FUT8: variants seen among roughly 807,000 people sequenced by gnomAD.
FUT8 encodes the protein alpha-(1,6)-fucosyltransferase.
In FUT8, 29 loss-of-function variants were observed where a neutral mutation model predicts 71.3. The ratio of observed to expected loss-of-function variants is 0.41; its 90% CI spans 0.30 to 0.55. FUT8 has a LOEUF of 0.55. Ranked by LOEUF, FUT8 falls within the 20% of genes least tolerant of loss-of-function variation. The probability of loss-of-function intolerance (pLI) is 0.34; values close to 1 mark genes in which losing one functional copy is unlikely to be tolerated. For synonymous variants in FUT8, 254 were observed against 239.3 expected (o/e 1.06, Z -0.57); for missense variants, 544 against 702.1 (o/e 0.77, Z 2.55).
chr14:65,460,300 T>C (rs2065952246), intron 2 of FUT8, among the ~76,000 whole-genome samples: 1 of 152,212 alleles, frequency 6.6e-6, no homozygotes, highest in Admixed American at 6.5e-5. Flanking sequence ...CCTAGGAAGA[T>C]AGAAATAGTG....
At chr14:65,691,076 A>G (rs896812948) in intron 7 of FUT8, among the ~76,000 whole-genome samples, 12 of 150,980 alleles carry the variant, frequency 7.9e-5, no homozygotes, top group Non-Finnish European at 1.2e-4. Flanking sequence ...TGATATAGTT[A>G]CTTATTAGTT....
At chr14:65,663,737 G>C (rs1892080206) in intron 6 of FUT8, among the ~76,000 whole-genome samples, 1 of 151,922 alleles carries the variant, frequency 6.6e-6, no homozygotes, top group Admixed American at 6.6e-5. Flanking sequence ...TCTATCTTCA[G>C]CTTGATTTGA....
At chr14:65,717,055 T>A (rs1451733311) in intron 7 of FUT8, among the ~76,000 whole-genome samples, 1 of 136,194 alleles carries the variant, frequency 7.3e-6, no homozygotes, top group Non-Finnish European at 1.5e-5. Flanking sequence ...GCAGAGGTGC[T>A]CCCCACTTCC....
chr14:65,467,954 AT>A lies in FUT8; in HGVS notation c.-228+12240del. 3 of 726,022 alleles carry A rather than the reference AT, an allele frequency of 4.1e-6. No homozygotes were observed. The highest frequency in any genetic ancestry group is 1.4e-5 in the South Asian group (1 of 71,794). 45.0% of individuals were successfully genotyped at this position (726,022 alleles called of 1,614,324 possible). A position where few individuals can be genotyped will look rare whatever the true frequency, so the allele number is the denominator to read the frequency against. The stretch of plus-strand genomic sequence containing the variant: ...CTTTGGCTTCTTTCTTTTTCCGATC[AT>A]TTTCCTTTACGTGTTTCAGGAAGCT... On this transcript the variant is annotated intron_variant, in intron 2 of 10. Coordinates refer to ENST00000673929, the MANE Select transcript of FUT8 (RefSeq NM_001371533.1). This position sits in a 1 kb window ranked among gnomAD's most constrained non-coding sequence, Gnocchi z 4.1.
intron 1 of FUT8, among the ~76,000 whole-genome samples, chr14:65,449,036 A>C (rs1207658600): frequency 6.6e-6 from 1 of 152,232 alleles, no homozygotes; most frequent in African/African-American, 2.4e-5. Context: ...TTGATTTTGT[A>C]ATGTCAAACA....
At chr14:65,361,507 G>T in the FUT8 span, among the ~76,000 whole-genome samples, 7 of 152,018 alleles carry the variant, frequency 4.6e-5, no homozygotes, top group African/African-American at 1.7e-4. Context: ...ATAGACTATG[G>T]CCGGGTGCGG....
chr14:65,591,955 A>G (rs572899151), intron 3 of FUT8, among the ~76,000 whole-genome samples: 18 of 152,006 alleles, frequency 1.2e-4, no homozygotes, highest in African/African-American at 2.9e-4. Flanking sequence ...GTTGGTTGTA[A>G]CTAAAAAACA....
At chr14:65,677,164 GCGCGCGCACGTA>G (rs56282780) in intron 7 of FUT8, among the ~76,000 whole-genome samples, 3,545 of 123,014 alleles carry the variant, frequency 0.029, 67 homozygotes, top group Admixed American at 0.06. Context: ...GCGCGCGCAT[GCGCGCGCACGTA>G]TGTGTGTGCG....
chr14:65,525,148 C>A (rs1314676732), intron 2 of FUT8, among the ~76,000 whole-genome samples: 2 of 152,168 alleles, frequency 1.3e-5, no homozygotes, highest in South Asian at 4.1e-4. Flanking sequence ...GTACTAGCTC[C>A]TCCTTGTACC....
At chr14:65,543,649 C>G (rs1306400603) in intron 2 of FUT8, among the ~76,000 whole-genome samples, 1 of 152,136 alleles carries the variant, frequency 6.6e-6, no homozygotes, top group Non-Finnish European at 1.5e-5. Context: ...AGCCTACCCT[C>G]AGGGATAAAT....
intron 6 of FUT8, among the ~76,000 whole-genome samples, chr14:65,632,982 C>T (rs1236183625): frequency 1.4e-5 from 2 of 139,264 alleles, no homozygotes; most frequent in African/African-American, 5.9e-5. Flanking sequence ...GTGTCCTTTG[C>T]TCTCCCCTCT....
chr14:65,703,510 T>C (rs1340842498), intron 7 of FUT8, among the ~76,000 whole-genome samples: 2 of 152,230 alleles, frequency 1.3e-5, no homozygotes, highest in African/African-American at 4.8e-5. Context: ...TAGCTCTCTT[T>C]CTAGAGATTT....
the FUT8 span, among the ~76,000 whole-genome samples, chr14:65,358,157 C>G: frequency 1.3e-5 from 2 of 152,010 alleles, no homozygotes; most frequent in Admixed American, 6.6e-5. Context: ...ACGATGCAGT[C>G]TATGTTTCAA....
intron 2 of FUT8, among the ~76,000 whole-genome samples, chr14:65,555,570 T>C (rs568051403): frequency 1.3e-5 from 2 of 152,326 alleles, no homozygotes; most frequent in Admixed American, 1.3e-4. Context: ...ACTTTGGTCT[T>C]TGTCTTCTCA....
intron 1 of FUT8, among the ~76,000 whole-genome samples, chr14:65,447,253 C>T (rs1427446663): frequency 2.0e-5 from 3 of 148,660 alleles, no homozygotes; most frequent in Admixed American, 6.7e-5. Context: ...ATGTCCCACA[C>T]TGCACTACAG....
At chr14:65,437,912 A>G (rs922757664) in intron 1 of FUT8, among the ~76,000 whole-genome samples, 4 of 152,114 alleles carry the variant, frequency 2.6e-5, no homozygotes, top group African/African-American at 9.7e-5. Flanking sequence ...TTATAGTGAT[A>G]GTGATTTTTT....
At chr14:65,534,409 T>G (rs1884154591) in intron 2 of FUT8, among the ~76,000 whole-genome samples, 1 of 152,046 alleles carries the variant, frequency 6.6e-6, no homozygotes, top group Admixed American at 6.5e-5. Flanking sequence ...ATCATCATGA[T>G]GCTGGCCTTA....
chr14:65,430,911 G>A (rs1421839427), intron 1 of FUT8, among the ~76,000 whole-genome samples: 2 of 151,520 alleles, frequency 1.3e-5, no homozygotes, highest in African/African-American at 2.4e-5. Flanking sequence ...ATGAGAAAAT[G>A]TGCTCTAAAA....
chr14:65,439,323 A>G (rs763028695), intron 1 of FUT8, among the ~76,000 whole-genome samples: 18 of 152,236 alleles, frequency 1.2e-4, no homozygotes, highest in Non-Finnish European at 2.2e-4. Context: ...GGAGGATCAT[A>G]GTAATAATAC....
Sources: gnomAD v4.1 joint callset for allele counts (sites outside exome capture counted in the v4.1 genomes callset) on GRCh38, gnomAD v4.1.1 for gene constraint, Gnocchi (gnomAD v3.1) non-coding constraint, MANE v1.5 for transcripts, NCBI Gene and HGNC (gene_info 2026-07-23, HGNC 2026-07-21) for gene names.